TRIM44: variants seen among roughly 807,000 people sequenced by gnomAD.
The protein encoded by TRIM44 is tripartite motif-containing protein 44.
TRIM44 carries 13 observed loss-of-function variants against 37.4 expected under a neutral mutation model. The ratio of observed to expected loss-of-function variants is 0.35; its 90% CI spans 0.23 to 0.55. The LOEUF is 0.55. Among genes scored for constraint, TRIM44 ranks in the 20% least tolerant of loss-of-function variants. The probability of loss-of-function intolerance (pLI) is 0.89; values close to 1 mark genes in which losing one functional copy is unlikely to be tolerated. For synonymous variants in TRIM44, 175 were observed against 157.2 expected (o/e 1.11, Z -0.85); for missense variants, 426 against 437.2 (o/e 0.97, Z 0.23).
rs913897681 is a variant in TRIM44, at chr11:35,726,257, G to A, written c.987+94G>A. 2.0e-6 allele frequency: 3 copies of A among 1,487,340 alleles called. No individual in the cohort carries two copies. In the African/African-American group the frequency reaches 4.2e-5, roughly 21 times the overall value. 92.1% of individuals were successfully genotyped at this position (1,487,340 alleles called of 1,614,324 possible). ...CCCCATGTGGTCCCTGAACGTGAAT[G>A]AATTGAAGTCTAGGTAGAGTATAAG... On this transcript the variant is annotated intron_variant, in intron 3 of 4. Transcript: ENST00000299413.
chr11:35,806,594 G>A lies in TRIM44; in HGVS notation c.*209G>A, dbSNP rs1335980236. ...GCTTCTCATCCCCTGGTTGTGGTAG[G>A]TCAAGGAAAAGAGCCCCTTTGATCC... On this transcript the variant is annotated 3_prime_UTR_variant, in exon 5 of 5. Coordinates refer to ENST00000299413, the MANE Select transcript of TRIM44 (RefSeq NM_017583.6). 3.5e-6 allele frequency: 2 copies of A among 567,512 alleles called. No homozygotes were observed. The highest frequency in any genetic ancestry group is 3.0e-5 in the East Asian group (1 of 33,652). The allele number at this position is 567,512 out of a possible 1,614,324, so 35.2% of individuals were successfully genotyped here. A position where few individuals can be genotyped will look rare whatever the true frequency, so the allele number is the denominator to read the frequency against.
intron 2 of TRIM44, among the ~76,000 whole-genome samples, chr11:35,710,146 G>A (rs766633695): frequency 4.6e-5 from 7 of 152,074 alleles, no homozygotes; most frequent in Non-Finnish European, 7.4e-5. Context: ...CCTAAATTAA[G>A]TTTTCAATCT....
intron 2 of TRIM44, among the ~76,000 whole-genome samples, chr11:35,722,659 G>A (rs537731876): frequency 2.6e-5 from 4 of 152,304 alleles, no homozygotes; most frequent in South Asian, 2.1e-4. Flanking sequence ...CATTCTCATC[G>A]CCATCCTATT....
At chr11:35,697,408 G>A (rs1337509891) in intron 2 of TRIM44, among the ~76,000 whole-genome samples, 1 of 148,038 alleles carries the variant, frequency 6.8e-6, no homozygotes, top group Non-Finnish European at 1.5e-5. Flanking sequence ...CTTTTTTATG[G>A]CTGCATAGTA....
Position 35,753,757 on chromosome 11 carries a change from G to A in TRIM44, c.1007+18312G>A, listed in dbSNP as rs189870508. On this transcript the variant is annotated intron_variant, in intron 4 of 4. Coordinates refer to ENST00000299413, the MANE Select transcript of TRIM44 (RefSeq NM_017583.6). ...TTTTTTTTTCTTCAGACAGAGTCTCGCTCTGTCACTCAGCAGGTTGCAGCG... is the reference window on the plus strand; with the variant it reads ...TTTTTTTTTCTTCAGACAGAGTCTCACTCTGTCACTCAGCAGGTTGCAGCG... Among the ~76,000 whole-genome samples the A allele has an allele frequency of 1.8e-3, 267 of 151,082 alleles. 1 individual carries two copies. Among genetic ancestry groups the A allele is most frequent in the African/African-American group, 6.2e-3 (257 of 41,178 alleles).
At chr11:35,735,802 AG>A (rs1309870946) in intron 4 of TRIM44, among the ~76,000 whole-genome samples, 1 of 152,026 alleles carries the variant, frequency 6.6e-6, no homozygotes, top group Non-Finnish European at 1.5e-5. Flanking sequence ...GATTGGAATT[AG>A]ATTGATTTTT....
At chr11:35,754,802 G>A (rs2133855339) in intron 4 of TRIM44, among the ~76,000 whole-genome samples, 1 of 152,156 alleles carries the variant, frequency 6.6e-6, no homozygotes, top group Non-Finnish European at 1.5e-5. Flanking sequence ...ATGGTTTCCA[G>A]CTTCATCCAT....
At chr11:35,750,111 CT>C (rs1158692260) in intron 4 of TRIM44, among the ~76,000 whole-genome samples, 9 of 152,178 alleles carry the variant, frequency 5.9e-5, no homozygotes, top group African/African-American at 2.2e-4. Flanking sequence ...CATGAGCCTT[CT>C]GTCATTTCTA....
At chr11:35,732,760 G>T (rs1253562986) in intron 3 of TRIM44, among the ~76,000 whole-genome samples, 1 of 152,160 alleles carries the variant, frequency 6.6e-6, no homozygotes, top group Non-Finnish European at 1.5e-5. Context: ...TTAGAATAGG[G>T]ATGTGCATTT....
intron 4 of TRIM44, among the ~76,000 whole-genome samples, chr11:35,750,834 A>G (rs1449331635): frequency 6.6e-6 from 1 of 152,178 alleles, no homozygotes; most frequent in Non-Finnish European, 1.5e-5. Flanking sequence ...TTGTACCGCA[A>G]TTAAAAGTGT....
intron 2 of TRIM44, among the ~76,000 whole-genome samples, chr11:35,715,126 A>G (rs551186971): frequency 6.6e-6 from 1 of 152,216 alleles, no homozygotes; most frequent in Non-Finnish European, 1.5e-5. Flanking sequence ...ATTCAGTGTC[A>G]TGTCACTGGG....
chr11:35,799,175 G>A (rs944974561), intron 4 of TRIM44, among the ~76,000 whole-genome samples: 3 of 152,224 alleles, frequency 2.0e-5, no homozygotes, highest in African/African-American at 7.2e-5. Flanking sequence ...GCCTGGGCAG[G>A]CCTGCTGGCT....
intron 4 of TRIM44, among the ~76,000 whole-genome samples, chr11:35,774,337 T>A (rs188633809): frequency 6.6e-6 from 1 of 152,344 alleles, no homozygotes; most frequent in Admixed American, 6.5e-5. Flanking sequence ...CTTGTAAATT[T>A]GTTTAACTTC....
At position 35,703,089 on chromosome 11, in the gene TRIM44, C is replaced by T. The variant is rs375751911; in HGVS notation, c.747+17753C>T. Among the ~76,000 whole-genome samples, 14 of 152,340 alleles carry T rather than the reference C, an allele frequency of 9.2e-5. No individual in the cohort carries two copies. The East Asian group carries it at 9.7e-4, about 11-fold the overall frequency. On this transcript the variant is annotated intron_variant, in intron 2 of 4. Transcript: ENST00000299413. Reference sequence around the variant, plus strand: ...CTTTTCCGACGGGCTTAAAAAACGGCGCACCAGGAGATTATATCCCGCACA... The same window carrying T: ...CTTTTCCGACGGGCTTAAAAAACGGTGCACCAGGAGATTATATCCCGCACA...
chr11:35,697,717 C>T (rs1851723951), intron 2 of TRIM44, among the ~76,000 whole-genome samples: 1 of 151,672 alleles, frequency 6.6e-6, no homozygotes, highest in African/African-American at 2.4e-5. Context: ...GGTTTTTTGT[C>T]CTTGTGATAG....
At chr11:35,667,121 A>G (rs1253856837) in intron 1 of TRIM44, among the ~76,000 whole-genome samples, 1 of 152,142 alleles carries the variant, frequency 6.6e-6, no homozygotes, top group Non-Finnish European at 1.5e-5. Context: ...GAAAATAGAT[A>G]TGTTTTATCA....
chr11:35,732,416 C>T (rs1292888019), intron 3 of TRIM44, among the ~76,000 whole-genome samples: 1 of 152,188 alleles, frequency 6.6e-6, no homozygotes, highest in Non-Finnish European at 1.5e-5. Flanking sequence ...TTCTGATATT[C>T]TCTGAAACCA....
intron 4 of TRIM44, among the ~76,000 whole-genome samples, chr11:35,778,834 G>A (rs1853014752): frequency 6.6e-6 from 1 of 152,212 alleles, no homozygotes; most frequent in Admixed American, 6.5e-5. Context: ...GCACCTGGCT[G>A]TATGAGGTGT....
At chr11:35,665,914 T>G (rs1161787751) in intron 1 of TRIM44, among the ~76,000 whole-genome samples, 1 of 151,990 alleles carries the variant, frequency 6.6e-6, no homozygotes, top group Admixed American at 6.6e-5. Flanking sequence ...TTTTTTTTGT[T>G]GTTCTTTCTA....
Sources: gnomAD v4.1 joint callset for allele counts (sites outside exome capture counted in the v4.1 genomes callset) on GRCh38, gnomAD v4.1.1 for gene constraint, MANE v1.5 for transcripts, NCBI Gene and HGNC (gene_info 2026-07-23, HGNC 2026-07-21) for gene names.